Variants in MKLN1 observed in about 807,000 individuals in gnomAD.
MKLN1 encodes the protein muskelin 1.
A neutral mutation model predicts 99.0 loss-of-function variants in MKLN1; 18 were observed. The observed-to-expected ratio is 0.18, with a 90% CI of 0.13 to 0.27. The LOEUF is 0.27. Among genes scored for constraint, MKLN1 ranks in the 10% least tolerant of loss-of-function variants. MKLN1 has a pLI of 1.00. For synonymous variants in MKLN1, 288 were observed against 293.2 expected, an observed-to-expected ratio of 0.98 and a Z score of 0.18; for missense variants, 621 against 875.9, an observed-to-expected ratio of 0.71 and a Z score of 3.67.
chr7:131,303,171 A>G (rs559309182), intron 3 of MKLN1, among the ~76,000 whole-genome samples: 1 of 152,320 alleles, frequency 6.6e-6, no homozygotes, highest in South Asian at 2.1e-4. Context: ...GCTCCAACTA[A>G]GCTCTGCAAA....
chr7:131,162,972 G>T (rs1191509683), intron 2 of MKLN1, among the ~76,000 whole-genome samples: 1 of 152,184 alleles, frequency 6.6e-6, no homozygotes, highest in Non-Finnish European at 1.5e-5. Context: ...GGACAGCACT[G>T]GTTCTAGACA....
At chr7:131,368,073 T>C (rs1054505809) in intron 1 of MKLN1, among the ~76,000 whole-genome samples, 6 of 152,200 alleles carry the variant, frequency 3.9e-5, no homozygotes, top group African/African-American at 1.4e-4. Flanking sequence ...ATATGTTTTA[T>C]AGAATACTAC....
At chr7:131,149,082 A>G (rs559754087) in intron 2 of MKLN1, among the ~76,000 whole-genome samples, 17 of 152,262 alleles carry the variant, frequency 1.1e-4, no homozygotes, top group South Asian at 4.2e-4. Flanking sequence ...TTGGTATTCA[A>G]CGCAGGTGGG....
chr7:131,483,536 C>G (rs1797183498), intron 17 of MKLN1, among the ~76,000 whole-genome samples: 2 of 152,286 alleles, frequency 1.3e-5, no homozygotes, highest in South Asian at 2.1e-4. Context: ...ATTGTTGATT[C>G]ACTAACATTA....
At chr7:131,135,798 GC>G (rs1563227376) in intron 1 of MKLN1, among the ~76,000 whole-genome samples, 1 of 152,164 alleles carries the variant, frequency 6.6e-6, no homozygotes, top group Non-Finnish European at 1.5e-5. Flanking sequence ...CAAGAGATAG[GC>G]AGAAATGATG....
At chr7:131,459,921 C>CT (rs746797308) in intron 12 of MKLN1, among the ~76,000 whole-genome samples, 4 of 152,246 alleles carry the variant, frequency 2.6e-5, no homozygotes, top group East Asian at 3.9e-4. Flanking sequence ...GGTATATCCT[C>CT]TGTGTCCTTT....
chr7:131,223,011 G>A (rs1370147035), intron 3 of MKLN1, among the ~76,000 whole-genome samples: 1 of 152,082 alleles, frequency 6.6e-6, no homozygotes, highest in East Asian at 1.9e-4. Flanking sequence ...CTCCACTTTT[G>A]GTGACAGAGC....
At position 131,153,383 on chromosome 7, in the gene MKLN1, A is replaced by G. The variant is rs144837287; in HGVS notation, c.-297+10442A>G. On this transcript the variant is annotated intron_variant, in intron 2 of 7. Coordinates refer to the MKLN1 transcript ENST00000416992. The stretch of plus-strand genomic sequence containing the variant: ...GATAGCATCTTCAAATTGGTTCCTG[A>G]CATCTTTTGACTCAACCCAAGCAGT... 1.9e-4 allele frequency among the ~76,000 whole-genome samples: 29 copies of G among 152,208 alleles called. No individual in the cohort carries two copies. In the East Asian group the frequency reaches 4.6e-3, roughly 24 times the overall value.
At chr7:131,241,527 T>C (rs1210836892) in intron 3 of MKLN1, among the ~76,000 whole-genome samples, 2 of 152,138 alleles carry the variant, frequency 1.3e-5, no homozygotes, top group Admixed American at 1.3e-4. Context: ...GCCAACATAG[T>C]GAGAACTTGT....
chr7:131,148,951 C>A (rs977150818), intron 2 of MKLN1, among the ~76,000 whole-genome samples: 1 of 151,998 alleles, frequency 6.6e-6, no homozygotes, highest in African/African-American at 2.4e-5. Context: ...CCTATATGAT[C>A]GAAGATATTG....
chr7:131,126,923 T>A (rs1021040939), intron 1 of MKLN1, among the ~76,000 whole-genome samples: 1 of 152,098 alleles, frequency 6.6e-6, no homozygotes, highest in Non-Finnish European at 1.5e-5. Context: ...CTCAGCACTT[T>A]GGGAGGCTGA....
chr7:131,403,908 A>G (rs1794625445), intron 6 of MKLN1, among the ~76,000 whole-genome samples: 3 of 152,298 alleles, frequency 2.0e-5, no homozygotes, highest in Admixed American at 2.0e-4. Flanking sequence ...TGTTGGAAAA[A>G]CGGCATCCAT....
At chr7:131,467,704 G>A (rs1017778523) in intron 15 of MKLN1, among the ~76,000 whole-genome samples, 7 of 152,180 alleles carry the variant, frequency 4.6e-5, no homozygotes, top group South Asian at 2.1e-4. Flanking sequence ...GTAAAGGGCC[G>A]TCAGCTTTTA....
At chr7:131,205,976 C>A (rs186939642) in intron 3 of MKLN1, among the ~76,000 whole-genome samples, 1 of 151,880 alleles carries the variant, frequency 6.6e-6, no homozygotes, top group Non-Finnish European at 1.5e-5. Flanking sequence ...TCACTGCAAC[C>A]TCTGCCTCCT....
At chr7:131,247,560 C>A (rs1319507110) in intron 3 of MKLN1, among the ~76,000 whole-genome samples, 1 of 151,998 alleles carries the variant, frequency 6.6e-6, no homozygotes, top group Non-Finnish European at 1.5e-5. Flanking sequence ...TTCTGTTTAC[C>A]TTTGCCCCCT....
intron 1 of MKLN1, among the ~76,000 whole-genome samples, chr7:131,131,051 C>CAA (rs35397071): frequency 0.034 from 2,172 of 63,872 alleles, 129 homozygotes; most frequent in African/African-American, 0.098. Flanking sequence ...GACCCTGTCT[C>CAA]AAAAAAAAAA....
intron 2 of MKLN1, among the ~76,000 whole-genome samples, chr7:131,385,320 T>C (rs1038971654): frequency 6.6e-6 from 1 of 152,192 alleles, no homozygotes; most frequent in African/African-American, 2.4e-5. Flanking sequence ...TGAACATTCA[T>C]GTACGACTGT....
intron 3 of MKLN1, among the ~76,000 whole-genome samples, chr7:131,222,374 C>T (rs754703424): frequency 8.5e-5 from 13 of 152,302 alleles, no homozygotes; most frequent in South Asian, 2.1e-4. Context: ...TGTGTCCCCA[C>T]GTGGTGGAAG....
At chr7:131,242,597 C>T in intron 3 of MKLN1, 1 of 484,882 alleles carries the variant, frequency 2.1e-6, no homozygotes, top group Non-Finnish European at 4.0e-6. Flanking sequence ...CTGAAATGGG[C>T]AAGTTCATGA....
Sources: allele counts gnomAD v4.1 joint callset (sites outside exome capture counted in the v4.1 genomes callset), GRCh38; gene constraint gnomAD v4.1.1; transcripts MANE v1.5; gene names NCBI Gene and HGNC (gene_info 2026-07-23, HGNC 2026-07-21).